Variants in ABTB3 observed in about 807,000 individuals in gnomAD.
ABTB3 encodes ankyrin repeat- and BTB/POZ domain-containing protein 3.
the ABTB3 span, among the ~76,000 whole-genome samples, chr12:107,424,901 G>A: frequency 2.0e-5 from 3 of 152,154 alleles, no homozygotes; most frequent in Non-Finnish European, 4.4e-5. Context: ...CCTGATTAAC[G>A]TATTTATGGC....
At chr12:107,474,718 C>G in the ABTB3 span, among the ~76,000 whole-genome samples, 1 of 152,146 alleles carries the variant, frequency 6.6e-6, no homozygotes, top group African/African-American at 2.4e-5. Context: ...TAGGAAAAGC[C>G]TTAACTTGTT....
the ABTB3 span, among the ~76,000 whole-genome samples, chr12:107,500,456 A>G: frequency 6.6e-6 from 1 of 152,178 alleles, no homozygotes; most frequent in Non-Finnish European, 1.5e-5. Context: ...TCTCTCCATT[A>G]GTTTGACTGC....
the ABTB3 span, among the ~76,000 whole-genome samples, chr12:107,457,952 G>T: frequency 1.3e-5 from 2 of 152,170 alleles, no homozygotes; most frequent in Non-Finnish European, 2.9e-5. Flanking sequence ...CTTTGACCTT[G>T]CTGAGCCTCA....
the ABTB3 span, among the ~76,000 whole-genome samples, chr12:107,427,965 A>G: frequency 2.0e-5 from 3 of 152,186 alleles, no homozygotes; most frequent in Non-Finnish European, 4.4e-5. Context: ...TTTGCACACA[A>G]GTCAGAATCC....
chr12:107,400,753 G>A, the ABTB3 span, among the ~76,000 whole-genome samples: 1 of 152,102 alleles, frequency 6.6e-6, no homozygotes, highest in African/African-American at 2.4e-5. Context: ...CCCCGCAAGA[G>A]TGCTACCTGA....
chr12:107,553,662 G>T, the ABTB3 span, among the ~76,000 whole-genome samples: 2 of 152,160 alleles, frequency 1.3e-5, no homozygotes, highest in Admixed American at 1.3e-4. Flanking sequence ...GAAGAGACTG[G>T]GCGTGGTGGC....
the ABTB3 span, among the ~76,000 whole-genome samples, chr12:107,336,477 C>T: frequency 6.6e-6 from 1 of 152,094 alleles, no homozygotes; most frequent in African/African-American, 2.4e-5. Flanking sequence ...GCCTCAGTTT[C>T]CTCCCTTGTA....
chr12:107,491,298 C>A, the ABTB3 span, among the ~76,000 whole-genome samples: 3 of 152,184 alleles, frequency 2.0e-5, no homozygotes, highest in Non-Finnish European at 4.4e-5. Flanking sequence ...CAGGCCTGCT[C>A]ACACCATCAG....
the ABTB3 span, among the ~76,000 whole-genome samples, chr12:107,361,714 G>T: frequency 6.6e-6 from 1 of 152,146 alleles, no homozygotes; most frequent in Admixed American, 6.5e-5. Context: ...GCAGGTCAGG[G>T]AGATAGAGAT....
the ABTB3 span, among the ~76,000 whole-genome samples, chr12:107,606,160 C>A: frequency 6.6e-6 from 1 of 152,180 alleles, no homozygotes; most frequent in African/African-American, 2.4e-5. Flanking sequence ...TGGCTCACCA[C>A]TTACCAGCTC....
chr12:107,369,718 T>G, the ABTB3 span, among the ~76,000 whole-genome samples: 10 of 147,016 alleles, frequency 6.8e-5, no homozygotes, highest in African/African-American at 2.5e-4. Context: ...TTTTTTTTTT[T>G]TTTTTTTTTT....
At chr12:107,619,821 G>C in the ABTB3 span, among the ~76,000 whole-genome samples, 1 of 152,116 alleles carries the variant, frequency 6.6e-6, no homozygotes, top group Non-Finnish European at 1.5e-5. Context: ...AGCCTACACT[G>C]GTTCTGTTCG....
chr12:107,383,971 C>T, the ABTB3 span, among the ~76,000 whole-genome samples: 1 of 152,138 alleles, frequency 6.6e-6, no homozygotes, highest in Non-Finnish European at 1.5e-5. Context: ...GCTCCAAGCG[C>T]CCAGGTGTGC....
the ABTB3 span, among the ~76,000 whole-genome samples, chr12:107,344,497 A>G: frequency 6.6e-5 from 10 of 152,304 alleles, no homozygotes; most frequent in South Asian, 2.1e-3. Flanking sequence ...CCAGCTTTGC[A>G]GTTTTCTGCC....
chr12:107,329,510 A>C, the ABTB3 span, among the ~76,000 whole-genome samples: 76 of 152,398 alleles, frequency 5.0e-4, no homozygotes, highest in African/African-American at 1.8e-3. Flanking sequence ...GTGCTTAAGC[A>C]GTGCCAGCCT....
the ABTB3 span, among the ~76,000 whole-genome samples, chr12:107,456,868 T>G: frequency 6.6e-6 from 1 of 151,916 alleles, no homozygotes; most frequent in Non-Finnish European, 1.5e-5. Flanking sequence ...TTCTTTTTTT[T>G]TTTTCTTTTT....
the ABTB3 span, among the ~76,000 whole-genome samples, chr12:107,450,087 C>A: frequency 6.6e-6 from 1 of 151,868 alleles, no homozygotes; most frequent in South Asian, 2.1e-4. Context: ...TGTGTGGTAG[C>A]TGGAACTCTG....
the ABTB3 span, among the ~76,000 whole-genome samples, chr12:107,582,776 C>A: frequency 6.6e-6 from 1 of 152,298 alleles, no homozygotes; most frequent in Non-Finnish European, 1.5e-5. Flanking sequence ...ACTGTGCTGC[C>A]TCCTGTTTTC....
chr12:107,430,954 A>C, the ABTB3 span, among the ~76,000 whole-genome samples: 1 of 152,250 alleles, frequency 6.6e-6, no homozygotes, highest in East Asian at 1.9e-4. Context: ...ACACCACTGC[A>C]TATGATTTAA....
Sources: gnomAD v4.1 joint callset for allele counts (sites outside exome capture counted in the v4.1 genomes callset) on GRCh38, gnomAD v4.1.1 for gene constraint, MANE v1.5 for transcripts, NCBI Gene and HGNC (gene_info 2026-07-23, HGNC 2026-07-21) for gene names.